Variants in RIPK1 observed in about 807,000 individuals in gnomAD.
The protein encoded by RIPK1 is receptor-interacting serine/threonine-protein kinase 1.
Under a neutral mutation model 62.4 loss-of-function variants are expected in RIPK1, and 27 were observed. The observed-to-expected ratio is 0.43, with a 90% CI of 0.32 to 0.60. RIPK1 has a LOEUF of 0.60. Among genes scored for constraint, RIPK1 ranks in the 20% least tolerant of loss-of-function variants. The pLI is 0.07. For missense variants in RIPK1, 735 were observed against 831.0 expected (o/e 0.88, Z 1.42); for synonymous variants, 287 against 303.2 (o/e 0.95, Z 0.55).
In RIPK1 at chr6:3,068,600, G is replaced by A; in HGVS notation, c.-122G>A. On this transcript the variant is annotated 5_prime_UTR_variant, in exon 1 of 11. Transcript: ENST00000259808. ...CTGGGGCGCCAGAGCGCGGCCATCCGGGCGGGGCCGACGGAGCGCGGCAGG... is the reference window on the plus strand; with the variant it reads ...CTGGGGCGCCAGAGCGCGGCCATCCAGGCGGGGCCGACGGAGCGCGGCAGG... The A allele has an allele frequency of 1.0e-6, 1 of 985,278 alleles. No homozygotes were observed. Among genetic ancestry groups the A allele is most frequent in the Non-Finnish European group, 1.2e-6 (1 of 829,920 alleles). The allele number at this position is 985,278 out of a possible 1,614,324, so 61.0% of individuals were successfully genotyped here.
rs73718961 is a variant in RIPK1, at chr6:3,080,353, A to C, written c.322-626A>C. ...ATGCTCACATAACAAGAATACAATT[A>C]TAAGAACCAGTGACCTGAGACTCTA... On this transcript the variant is annotated intron_variant, in intron 3 of 10. Transcript: ENST00000259808. 2.6e-3 allele frequency among the ~76,000 whole-genome samples: 401 copies of C among 152,358 alleles called. 3 individuals are homozygous for C. Among genetic ancestry groups the C allele is most frequent in the African/African-American group, 9.1e-3 (380 of 41,582 alleles).
chr6:3,079,755 T>C (rs777737673), intron 3 of RIPK1, among the ~76,000 whole-genome samples: 4 of 152,232 alleles, frequency 2.6e-5, no homozygotes, highest in African/African-American at 9.6e-5. Context: ...CATGGTATTA[T>C]AGTTTGATCA....
At chr6:3,090,750 A>AGT in intron 7 of RIPK1, among the ~76,000 whole-genome samples, 10 of 151,628 alleles carry the variant, frequency 6.6e-5, no homozygotes, top group Admixed American at 2.0e-4. Context: ...CGCTGCACCT[A>AGT]ATAACCGCAG....
chr6:3,068,231 T>C, upstream of RIPK1: 23 of 985,540 alleles, frequency 2.3e-5, no homozygotes, highest in Non-Finnish European at 2.8e-5. Context: ...CGCAGAGCTC[T>C]GAATCCTCCG....
intron 7 of RIPK1, among the ~76,000 whole-genome samples, chr6:3,094,472 T>C (rs962411714): frequency 6.6e-6 from 1 of 151,996 alleles, no homozygotes; most frequent in Non-Finnish European, 1.5e-5. Context: ...ATCACAATGG[T>C]ATTTAGAAAA....
chr6:3,068,196 G>GAATGC (rs753756132), upstream of RIPK1: 4,028 of 984,952 alleles, frequency 4.1e-3, 10 homozygotes, highest in Non-Finnish European at 4.7e-3. Context: ...GAAGGTAGAG[G>GAATGC]AATGCTAACT....
chr6:3,083,817 G>A (rs1759548738), intron 5 of RIPK1, among the ~76,000 whole-genome samples: 1 of 152,014 alleles, frequency 6.6e-6, no homozygotes, highest in South Asian at 2.1e-4. Flanking sequence ...TTAAATCTGT[G>A]TCTCTGGCTC....
intron 7 of RIPK1, among the ~76,000 whole-genome samples, chr6:3,097,239 A>G (rs1232624358): frequency 6.6e-6 from 1 of 152,110 alleles, no homozygotes; most frequent in Non-Finnish European, 1.5e-5. Context: ...TGACAAACCT[A>G]CTCTGAAATC....
intron 3 of RIPK1, among the ~76,000 whole-genome samples, chr6:3,079,617 C>T (rs958294902): frequency 5.3e-5 from 8 of 152,156 alleles, no homozygotes; most frequent in South Asian, 2.1e-4. Flanking sequence ...GGAGGGGTGG[C>T]GGGATATGGC....
chr6:3,076,130 G>A (rs1759035271), intron 1 of RIPK1, among the ~76,000 whole-genome samples: 1 of 151,998 alleles, frequency 6.6e-6, no homozygotes, highest in Non-Finnish European at 1.5e-5. Flanking sequence ...CGGAGTTTTG[G>A]TATGCATTTC....
rs72843309 is a variant in RIPK1 at position 3,072,720 on chromosome 6, A to G, written c.-60-4044A>G. Among the ~76,000 whole-genome samples the G allele has an allele frequency of 6.6e-6, 1 of 152,274 alleles. No homozygotes were observed. The highest frequency in any genetic ancestry group is 1.5e-5 in the Non-Finnish European group (1 of 68,016). ...GAAGTGTCTAATGGGAAGACTTAGG[A>G]TGGCTTCCTTGACAAAATGACAGTT... On this transcript the variant is annotated intron_variant, in intron 1 of 10. Coordinates refer to ENST00000259808, the MANE Select transcript of RIPK1 (RefSeq NM_001354930.2). This position sits in a 1 kb window ranked among gnomAD's most constrained non-coding sequence, Gnocchi z 5.6.
chr6:3,067,855 G>A (rs775442343), upstream of RIPK1, among the ~76,000 whole-genome samples: 2 of 151,780 alleles, frequency 1.3e-5, no homozygotes, highest in Non-Finnish European at 2.9e-5. Flanking sequence ...GGATTCTCCT[G>A]CCTCAGCCTC....
intron 7 of RIPK1, among the ~76,000 whole-genome samples, chr6:3,096,674 C>T (rs1039673343): frequency 2.7e-4 from 41 of 150,230 alleles, no homozygotes; most frequent in Admixed American, 2.1e-3. Flanking sequence ...ATTCTCCTGC[C>T]TCAGTCTCCT....
Position 3,077,918 on chromosome 6 carries a change from C to G in RIPK1, c.304C>G (p.His102Asp). ...MEYMEKGNLM[H>D]VLKAEMSTPL... ...GTACATGGAGAAGGGCAACCTGATGCACGTGCTGAAAGCCGAGGTAGAGAG... is the reference window on the plus strand; with the variant it reads ...GTACATGGAGAAGGGCAACCTGATGGACGTGCTGAAAGCCGAGGTAGAGAG... The change falls in exon 3 of 11, where the codon CAC becomes GAC. Residue 102 changes from histidine to aspartate, a missense_variant. His to Asp is a moderately conservative substitution (Grantham distance 81, BLOSUM62 -1). Transcript: ENST00000259808. 1 of 1,614,026 alleles carries G rather than the reference C, an allele frequency of 6.2e-7. No homozygotes were observed. The highest frequency in any genetic ancestry group is 8.5e-7 in the Non-Finnish European group (1 of 1,179,994).
In RIPK1 at chr6:3,113,057, T is replaced by C. The variant is rs1761245566; in HGVS notation, c.1734T>C (p.Asn578=). Residue 578 remains asparagine (N), a synonymous_variant, in exon 11 of 11, where the codon AAT becomes AAC. Coordinates refer to ENST00000259808, the MANE Select transcript of RIPK1 (RefSeq NM_001354930.2). The surrounding 1 kb of genome is among the most constrained non-coding windows in gnomAD (Gnocchi z 5.0). ...PAAKYQAIFD[N]TTSLTDKHLD... is the part of the protein sequence containing the mutation. ...CTTCTTTTTCCCATTTGGCAGATAA[T>C]ACCACTAGTCTGACGGATAAACACC... 6.5e-7 allele frequency: 1 copy of C among 1,533,146 alleles called. No individual in the cohort carries two copies. Among genetic ancestry groups the C allele is most frequent in the South Asian group, 1.3e-5 (1 of 77,816 alleles). 95.0% of individuals were successfully genotyped at this position (1,533,146 alleles called of 1,614,324 possible).
chr6:3,096,009 G>A (rs1455575238), intron 7 of RIPK1, among the ~76,000 whole-genome samples: 1 of 152,010 alleles, frequency 6.6e-6, no homozygotes, highest in Non-Finnish European at 1.5e-5. Flanking sequence ...TGGCTAATTT[G>A]TATTTTTTGT....
intron 6 of RIPK1, 30 bp from the exon 7 acceptor site, chr6:3,089,551 A>G (rs1157961697): frequency 9.8e-7 from 1 of 1,017,840 alleles, no homozygotes; most frequent in Non-Finnish European, 1.5e-6. Context: ...AAAATAATTA[A>G]GAAATTTAAA....
intron 5 of RIPK1, 126 bp from the exon 6 acceptor site, chr6:3,085,133 C>A: frequency 1.1e-6 from 1 of 920,612 alleles, no homozygotes; most frequent in Non-Finnish European, 1.7e-6. Flanking sequence ...TGTCATAAGG[C>A]CATTCCACTC....
chr6:3,083,733 ATGTTGTCCTACATACTC>A (rs1357331718), intron 5 of RIPK1, among the ~76,000 whole-genome samples: 2 of 152,198 alleles, frequency 1.3e-5, no homozygotes, highest in East Asian at 3.9e-4. Flanking sequence ...AAACTGATGG[ATGTTGTCCTACATACTC>A]TTCTTGGGTG....
Sources: allele counts gnomAD v4.1 joint callset (sites outside exome capture counted in the v4.1 genomes callset), GRCh38; gene constraint gnomAD v4.1.1; non-coding constraint Gnocchi (gnomAD v3.1); transcripts MANE v1.5; gene names NCBI Gene and HGNC (gene_info 2026-07-23, HGNC 2026-07-21).